The following RIPOR2 variants were observed in gnomAD, a reference collection of about 807,000 sequenced individuals.
The protein encoded by RIPOR2 is rho family-interacting cell polarization regulator 2.
Under a neutral mutation model 114.5 loss-of-function variants are expected in RIPOR2, and 39 were observed. That is an observed-to-expected ratio of 0.34 (90% CI 0.26 to 0.44). The LOEUF is 0.44. Ranked by LOEUF, RIPOR2 falls within the 20% of genes least tolerant of loss-of-function variation. RIPOR2 has a pLI of 1.00. For missense variants in RIPOR2, 1,007 were observed against 1,255.1 expected, an observed-to-expected ratio of 0.80 and a Z score of 2.99; for synonymous variants, 445 against 484.4, an observed-to-expected ratio of 0.92 and a Z score of 1.07.
chr6:24,900,395 T>C (rs1768312092), intron 1 of RIPOR2, among the ~76,000 whole-genome samples: 1 of 152,250 alleles, frequency 6.6e-6, no homozygotes, highest in Non-Finnish European at 1.5e-5. Context: ...ACATTAGAAA[T>C]GCTATTTAGT....
chr6:24,899,699 G>A (rs1032200983), intron 1 of RIPOR2, among the ~76,000 whole-genome samples: 1 of 152,280 alleles, frequency 6.6e-6, no homozygotes, highest in East Asian at 1.9e-4. Flanking sequence ...TACTTTACAT[G>A]TGGGCACGGA....
chr6:24,964,721 C>T (rs1773450575), intron 1 of RIPOR2, among the ~76,000 whole-genome samples: 2 of 152,274 alleles, frequency 1.3e-5, no homozygotes, highest in South Asian at 4.1e-4. Context: ...AAACTAATTT[C>T]CCAAGTGGAT....
chr6:25,024,258 G>C, intron 1 of RIPOR2: 1 of 1,542,420 alleles, frequency 6.5e-7, no homozygotes, highest in Non-Finnish European at 8.9e-7. Flanking sequence ...CTGGATGGCC[G>C]GCCAGATGAA....
intron 1 of RIPOR2, among the ~76,000 whole-genome samples, chr6:24,953,163 G>A (rs1020407811): frequency 1.3e-5 from 2 of 152,040 alleles, no homozygotes; most frequent in Non-Finnish European, 2.9e-5. Context: ...GAGAAACCCC[G>A]TCTCTACTAA....
At chr6:24,978,890 T>A (rs1047909839) in intron 1 of RIPOR2, among the ~76,000 whole-genome samples, 2 of 152,150 alleles carry the variant, frequency 1.3e-5, no homozygotes, top group Admixed American at 1.3e-4. Flanking sequence ...AGTGAACACC[T>A]CAGGCCAAGA....
intron 1 of RIPOR2, among the ~76,000 whole-genome samples, chr6:24,897,626 A>G (rs1188986118): frequency 6.6e-6 from 1 of 152,160 alleles, no homozygotes. Context: ...GTTCGTCTAA[A>G]CTTTACATGT....
At chr6:24,971,148 A>C (rs1773772541) in intron 1 of RIPOR2, among the ~76,000 whole-genome samples, 1 of 152,228 alleles carries the variant, frequency 6.6e-6, no homozygotes, top group Non-Finnish European at 1.5e-5. Flanking sequence ...ACTACCAGCA[A>C]GAGTGGCAGT....
intron 13 of RIPOR2, 128 bp from the exon 14 acceptor site, chr6:24,839,400 A>C (rs1761417136): frequency 7.0e-7 from 1 of 1,437,556 alleles, no homozygotes. Context: ...TTAGCATTTA[A>C]AAAATGCATT....
chr6:25,008,492 A>T (rs958698764), intron 1 of RIPOR2, among the ~76,000 whole-genome samples: 2 of 152,212 alleles, frequency 1.3e-5, no homozygotes, highest in African/African-American at 4.8e-5. Flanking sequence ...AGGCAAGGAA[A>T]CAGGCTCCAA....
intron 1 of RIPOR2, among the ~76,000 whole-genome samples, chr6:24,923,288 T>C (rs993961353): frequency 2.6e-5 from 4 of 152,352 alleles, no homozygotes; most frequent in African/African-American, 9.6e-5. Context: ...ATACCTGATT[T>C]ACTTCCACCT....
At chr6:25,034,389 G>C (rs1777142372) in intron 1 of RIPOR2, among the ~76,000 whole-genome samples, 1 of 152,142 alleles carries the variant, frequency 6.6e-6, no homozygotes, top group Non-Finnish European at 1.5e-5. Context: ...CAATTTCTTG[G>C]ATCTTGCTAT....
At chr6:24,809,865 G>T in intron 20 of RIPOR2, 58 bp from the exon 21 acceptor site, 1 of 1,140,996 alleles carries the variant, frequency 8.8e-7, no homozygotes, top group Non-Finnish European at 1.3e-6. Context: ...AGTACCACGA[G>T]ACTTGGCATT....
chr6:24,912,467 CT>C (rs67861863), intron 1 of RIPOR2, among the ~76,000 whole-genome samples: 1,727 of 110,258 alleles, frequency 0.016, 18 homozygotes, highest in African/African-American at 0.053. Context: ...TGCCCCCCCC[CT>C]TTTTTTTTTG....
intron 1 of RIPOR2, among the ~76,000 whole-genome samples, chr6:24,889,540 A>T (rs1168151566): frequency 1.3e-5 from 2 of 152,170 alleles, no homozygotes; most frequent in Non-Finnish European, 2.9e-5. Flanking sequence ...ATTGATAAAG[A>T]GATAATGTGT....
intron 15 of RIPOR2, among the ~76,000 whole-genome samples, chr6:24,833,669 G>A (rs1226017863): frequency 6.6e-6 from 1 of 152,050 alleles, no homozygotes; most frequent in East Asian, 1.9e-4. Context: ...TTATCTCTCT[G>A]TGGTTATATA....
At chr6:25,009,167 C>T (rs1038758481) in intron 1 of RIPOR2, among the ~76,000 whole-genome samples, 5 of 152,288 alleles carry the variant, frequency 3.3e-5, no homozygotes, top group East Asian at 3.9e-4. Context: ...GCAAGCCCCT[C>T]GCAGTAGGGA....
chr6:24,820,549 A>G (rs1444044835), intron 19 of RIPOR2, among the ~76,000 whole-genome samples: 1 of 152,196 alleles, frequency 6.6e-6, no homozygotes, highest in African/African-American at 2.4e-5. Flanking sequence ...AGTCGCTGGC[A>G]ACCACTAATC....
intron 1 of RIPOR2, among the ~76,000 whole-genome samples, chr6:24,901,174 T>C (rs1424366643): frequency 6.6e-6 from 1 of 152,070 alleles, no homozygotes; most frequent in African/African-American, 2.4e-5. Context: ...AGCTGGATTA[T>C]AAAGGAGTGA....
At chr6:24,836,432 C>T (rs375477906) in intron 14 of RIPOR2, among the ~76,000 whole-genome samples, 8 of 152,170 alleles carry the variant, frequency 5.3e-5, no homozygotes, top group East Asian at 1.9e-4. Flanking sequence ...CTGCCTCTGA[C>T]GTTTTGTTTA....
Sources: allele counts gnomAD v4.1 joint callset (sites outside exome capture counted in the v4.1 genomes callset), GRCh38; gene constraint gnomAD v4.1.1; transcripts MANE v1.5; gene names NCBI Gene and HGNC (gene_info 2026-07-23, HGNC 2026-07-21).